PTPRG: variants seen among roughly 807,000 people sequenced by gnomAD.
PTPRG encodes the protein protein tyrosine phosphatase receptor type G, also known as receptor-type tyrosine-protein phosphatase gamma.
PTPRG carries 102 observed loss-of-function variants against 165.3 expected under a neutral mutation model. That is an observed-to-expected ratio of 0.62 (90% CI 0.53 to 0.73). PTPRG has a LOEUF of 0.73. PTPRG is among the 30% of genes least tolerant of loss of function. The pLI is 0.00. For missense variants in PTPRG, 1,866 were observed against 1,861.4 expected (o/e 1.00, Z -0.05); for synonymous variants, 675 against 669.5 (o/e 1.01, Z -0.13).
In PTPRG at chr3:62,292,534, G is replaced by A. The variant is rs1402800582; in HGVS notation, c.4169G>A (p.Arg1390Lys). 1.2e-6 allele frequency: 2 copies of A among 1,613,388 alleles called. No homozygotes were observed. Among genetic ancestry groups the A allele is most frequent in the Non-Finnish European group, 1.7e-6 (2 of 1,179,592 alleles). The change falls in exon 29 of 30, where the codon AGG becomes AAG. Residue 1390 changes from arginine (R) to lysine (K), a missense_variant. Arg to Lys is a conservative substitution (Grantham distance 26). Transcript: ENST00000474889. ...GTTGCAAAAATGATCAATCTTATGA[G>A]GCCTGGAGTATTCACAGACATTGTA... ...FQVAKMINLM[R>K]PGVFTDIEQY...
rs116224882 is a variant in PTPRG, at chr3:61,744,020, G to A, written c.86-4858G>A. Among the ~76,000 whole-genome samples the A allele has an allele frequency of 7.2e-3, 1,101 of 152,228 alleles. 21 individuals carry two copies. The highest frequency in any genetic ancestry group is 0.025 in the African/African-American group (1,019 of 41,546). On this transcript the variant is annotated intron_variant, in intron 1 of 29. Transcript: ENST00000474889. ...ACCATATCATTGCCACACCGCCTTT[G>A]GTTGTCTGTCTGAGCTTAGAAGAGT...
rs917652287 is a variant in PTPRG, at chr3:62,271,656, A to C, written c.3182+101A>C. 1.8e-6 allele frequency: 2 copies of C among 1,094,264 alleles called. No individual in the cohort carries two copies. Among genetic ancestry groups the C allele is most frequent in the African/African-American group, 3.2e-5 (2 of 62,946 alleles). 67.8% of individuals were successfully genotyped at this position (1,094,264 alleles called of 1,614,324 possible). On this transcript the variant is annotated intron_variant, in intron 21 of 29. Transcript: ENST00000474889. The surrounding 1 kb of genome is among the most constrained non-coding windows in gnomAD (Gnocchi z 4.1). ...TGCTACTGCTTTCACTTAGAAGCTGAATCTTCCACTGGAAACTGGGATGGA... is the reference window on the plus strand; with the variant it reads ...TGCTACTGCTTTCACTTAGAAGCTGCATCTTCCACTGGAAACTGGGATGGA...
chr3:62,069,637 G>GTCTCTCTCTCTCTCTCTC (rs537162206), intron 4 of PTPRG, among the ~76,000 whole-genome samples: 3 of 141,160 alleles, frequency 2.1e-5, no homozygotes, highest in South Asian at 2.4e-4. Context: ...TAGGATCGAT[G>GTCTCTCTCTCTCTCTCTC]TCTCTCTCTC....
At chr3:61,731,617 G>T (rs1393955451) in intron 1 of PTPRG, among the ~76,000 whole-genome samples, 1 of 152,022 alleles carries the variant, frequency 6.6e-6, no homozygotes, top group Non-Finnish European at 1.5e-5. Flanking sequence ...AAAGTGCTGG[G>T]ATTACAGGCG....
chr3:61,758,695 C>A lies in PTPRG; in HGVS notation c.190+9713C>A, dbSNP rs535345106. Among the ~76,000 whole-genome samples the A allele has an allele frequency of 4.7e-4, 71 of 152,086 alleles. 1 individual carries two copies. The highest frequency in any genetic ancestry group is 1.6e-4 in the Non-Finnish European group (11 of 67,998). On this transcript the variant is annotated intron_variant, in intron 2 of 29. Coordinates refer to ENST00000474889, the MANE Select transcript of PTPRG (RefSeq NM_002841.4). ...CTCGAACTCCCGACCTCAGGTGATC[C>A]GCCCACCTCAGCCTCCCAAAGTGCC...
At position 61,846,202 on chromosome 3, in the gene PTPRG, C is replaced by T. The variant is rs534472364; in HGVS notation, c.190+97220C>T. The stretch of plus-strand genomic sequence containing the variant: ...GATTTGCTGTATTTTATTATTTATA[C>T]CTGTAATTTAAAAGAGACAATTATT... On this transcript the variant is annotated intron_variant, in intron 2 of 29. Transcript: ENST00000474889. 1.4e-4 allele frequency among the ~76,000 whole-genome samples: 21 copies of T among 152,210 alleles called. No homozygotes were observed. In the South Asian group the frequency reaches 3.7e-3, roughly 27 times the overall value.
chr3:62,124,242 C>G (rs1000675652), intron 5 of PTPRG: 2 of 1,264,324 alleles, frequency 1.6e-6, no homozygotes, highest in African/African-American at 1.5e-5. Flanking sequence ...GACATTAACT[C>G]CGAAGGGAAT....
intron 16 of PTPRG, among the ~76,000 whole-genome samples, chr3:62,258,497 T>C (rs1389342470): frequency 1.3e-5 from 2 of 152,248 alleles, no homozygotes; most frequent in African/African-American, 2.4e-5. Flanking sequence ...GGCATCTATG[T>C]ATTTTCATTG....
At chr3:61,868,836 T>C (rs1461709788) in intron 2 of PTPRG, among the ~76,000 whole-genome samples, 1 of 152,154 alleles carries the variant, frequency 6.6e-6, no homozygotes, top group African/African-American at 2.4e-5. Flanking sequence ...GTATCTAAAA[T>C]GGTCTCATGT....
chr3:62,170,706 G>A (rs970776597), intron 8 of PTPRG, among the ~76,000 whole-genome samples: 4 of 151,976 alleles, frequency 2.6e-5, no homozygotes, highest in Non-Finnish European at 4.4e-5. Context: ...TTAAGACATG[G>A]GAATATTAAA....
intron 4 of PTPRG, among the ~76,000 whole-genome samples, chr3:62,055,465 A>T (rs747694648): frequency 2.0e-5 from 3 of 152,186 alleles, no homozygotes; most frequent in Non-Finnish European, 4.4e-5. Context: ...CTCAATAACT[A>T]GGTGCTTGTT....
rs148755853 is a variant in PTPRG at position 61,681,283 on chromosome 3, C to G, written c.86-67595C>G. 5.7e-3 allele frequency among the ~76,000 whole-genome samples: 874 copies of G among 152,278 alleles called. 10 individuals carry two copies. The highest frequency in any genetic ancestry group is 0.02 in the African/African-American group (813 of 41,564). ...TTAATAATGCCACAGAAACTACCCA[C>G]CACACACCCAACCACAAAACTTGCT... On this transcript the variant is annotated intron_variant, in intron 1 of 29. Coordinates refer to ENST00000474889, the MANE Select transcript of PTPRG (RefSeq NM_002841.4).
At chr3:62,277,504 A>G in intron 25 of PTPRG, 47 bp from the exon 26 acceptor site, 1 of 1,588,316 alleles carries the variant, frequency 6.3e-7, no homozygotes, top group Non-Finnish European at 8.6e-7. Flanking sequence ...ACAAAGTTAG[A>G]ATAAAACACT....
intron 4 of PTPRG, among the ~76,000 whole-genome samples, chr3:62,054,780 G>A (rs1272481037): frequency 2.0e-5 from 3 of 152,172 alleles, no homozygotes; most frequent in African/African-American, 4.8e-5. Flanking sequence ...TGAAGCGTAC[G>A]GGAGTATGTG....
chr3:61,820,543 C>T (rs368606378), intron 2 of PTPRG, among the ~76,000 whole-genome samples: 14 of 150,844 alleles, frequency 9.3e-5, no homozygotes, highest in African/African-American at 3.4e-4. Context: ...AGTTGACACA[C>T]AGAAATACCC....
chr3:61,891,154 C>T (rs1559672787), intron 2 of PTPRG, among the ~76,000 whole-genome samples: 1 of 151,914 alleles, frequency 6.6e-6, no homozygotes, highest in Non-Finnish European at 1.5e-5. Context: ...CCCATCTCTA[C>T]TAAAAATACA....
intron 1 of PTPRG, among the ~76,000 whole-genome samples, chr3:61,636,673 T>C (rs1575554575): frequency 6.6e-6 from 1 of 152,380 alleles, no homozygotes; most frequent in African/African-American, 2.4e-5. Flanking sequence ...GTCCACTCTA[T>C]GGATATACCA....
chr3:62,109,387 C>G lies in PTPRG; in HGVS notation c.616-23215C>G, dbSNP rs565634620. Among the ~76,000 whole-genome samples the G allele has an allele frequency of 2.6e-5, 4 of 152,212 alleles. No homozygotes were observed. The South Asian group carries it at 8.3e-4, about 32-fold the overall frequency. ...TGGTGTTATTTCTGAGGCCTCTGTT[C>G]TGTTTTATTGGACTATATATCTGTT... On this transcript the variant is annotated intron_variant, in intron 5 of 29. Coordinates refer to ENST00000474889, the MANE Select transcript of PTPRG (RefSeq NM_002841.4).
intron 13 of PTPRG, among the ~76,000 whole-genome samples, chr3:62,221,526 AAAATTGGT>A (rs1373764732): frequency 5.7e-4 from 87 of 152,240 alleles, no homozygotes; most frequent in African/African-American, 1.9e-3. Flanking sequence ...GCTCACATAG[AAAATTGGT>A]AAATACAGAG....
Sources: allele counts gnomAD v4.1 joint callset (sites outside exome capture counted in the v4.1 genomes callset), GRCh38; gene constraint gnomAD v4.1.1; non-coding constraint Gnocchi (gnomAD v3.1); transcripts MANE v1.5; gene names NCBI Gene and HGNC (gene_info 2026-07-23, HGNC 2026-07-21).